Variants in SLC35A3 observed in about 807,000 individuals in gnomAD.
The protein encoded by SLC35A3 is solute carrier family 35 member A3, also known as UDP-N-acetylglucosamine transporter.
In SLC35A3, 26 loss-of-function variants were observed where a neutral mutation model predicts 39.0. The observed-to-expected ratio is 0.67, with a 90% CI of 0.49 to 0.92. The LOEUF (loss-of-function observed/expected upper bound fraction) is 0.92. Among genes scored for constraint, SLC35A3 ranks in the 40% least tolerant of loss-of-function variants. The pLI is 0.00. For missense variants in SLC35A3, 299 were observed against 371.6 expected (o/e 0.80, Z 1.61); for synonymous variants, 135 against 133.1 (o/e 1.01, Z -0.10).
chr1:100,005,253 C>T lies in SLC35A3; in HGVS notation c.343-1781C>T, dbSNP rs182209738. ...TGTCTCTTGCTGTTTTTAGGGTTCT[C>T]TCTTTGACTTTTGACTTTTGGTAGT... is the stretch of plus-strand genomic sequence containing the variant. On this transcript the variant is annotated intron_variant, in intron 3 of 7. Coordinates refer to ENST00000533028, the MANE Select transcript of SLC35A3 (RefSeq NM_012243.3). Among the ~76,000 whole-genome samples the T allele has an allele frequency of 8.5e-5, 13 of 152,228 alleles. No homozygotes were observed. In the South Asian group the frequency reaches 1.0e-3, roughly 12 times the overall value.
intron 6 of SLC35A3, 115 bp downstream of exon 6, chr1:100,015,535 C>G: frequency 8.9e-7 from 1 of 1,127,880 alleles, no homozygotes; most frequent in Non-Finnish European, 1.2e-6. Context: ...TGTTAGTGCT[C>G]TCGTATCTAG....
chr1:99,974,014 CAAAA>C (rs1251803858), intron 1 of SLC35A3, among the ~76,000 whole-genome samples: 1 of 68,160 alleles, frequency 1.5e-5, no homozygotes, highest in Non-Finnish European at 3.4e-5. Flanking sequence ...GACTCCATCT[CAAAA>C]AAAAAAAAAA....
intron 1 of SLC35A3, chr1:99,970,418 C>G (rs866288202): frequency 2.8e-5 from 19 of 667,292 alleles, no homozygotes; most frequent in South Asian, 1.9e-4. Context: ...AAAAAAGGCC[C>G]GAGGAGAGGG....
intron 1 of SLC35A3, among the ~76,000 whole-genome samples, chr1:99,992,611 A>G (rs956503905): frequency 3.9e-5 from 6 of 152,180 alleles, no homozygotes; most frequent in Non-Finnish European, 8.8e-5. Flanking sequence ...TTAAGTCTTC[A>G]TAATTGCTTG....
At chr1:100,009,250 C>T (rs1659456410) in intron 4 of SLC35A3, 1 of 152,026 alleles carries the variant, frequency 6.6e-6, no homozygotes, top group African/African-American at 2.4e-5. Flanking sequence ...AGAGCCAGAA[C>T]CAAATCTCCT....
In SLC35A3 at chr1:100,031,294, A is replaced by T. The variant is rs1237773666; in HGVS notation, c.*8818A>T. On this transcript the variant is annotated 3_prime_UTR_variant, in exon 8 of 8. Coordinates refer to ENST00000533028, the MANE Select transcript of SLC35A3 (RefSeq NM_012243.3). ...AAAAAAATTGAAAAATTGGTATACC[A>T]CCTAAATCCAACCATTATTAACATT... 6.6e-6 allele frequency: 1 copy of T among 152,126 alleles called. No individual in the cohort carries two copies. The highest frequency in any genetic ancestry group is 1.5e-5 in the Non-Finnish European group (1 of 68,022). The allele number at this position is 152,126 out of a possible 1,614,324, so 9.4% of individuals were successfully genotyped here. A position where few individuals can be genotyped will look rare whatever the true frequency, so the allele number is the denominator to read the frequency against.
chr1:100,014,667 C>T (rs1337641427), intron 5 of SLC35A3, among the ~76,000 whole-genome samples: 1 of 152,192 alleles, frequency 6.6e-6, no homozygotes, highest in Non-Finnish European at 1.5e-5. Flanking sequence ...GCAATTTGCA[C>T]ATATTCGAAT....
chr1:99,970,390 T>C (rs1656730538), intron 1 of SLC35A3: 2 of 599,854 alleles, frequency 3.3e-6, no homozygotes, highest in Non-Finnish European at 3.0e-6. Context: ...ACGTGCGGAA[T>C]GTACTGGGTG....
intron 7 of SLC35A3, 154 bp downstream of exon 7, chr1:100,017,969 TGAAA>T (rs1192842690): frequency 2.3e-6 from 1 of 431,536 alleles, no homozygotes; most frequent in South Asian, 7.4e-5. Context: ...ATTAAATTCA[TGAAA>T]GAAAGTCTTC....
At position 100,034,905 on chromosome 1, in the gene SLC35A3, T is replaced by C. The variant is rs369887137; in HGVS notation, c.*12429T>C. On this transcript the variant is annotated 3_prime_UTR_variant, in exon 8 of 8. Coordinates refer to ENST00000533028, the MANE Select transcript of SLC35A3 (RefSeq NM_012243.3). ...TGTTTCTAAGCCTGATTCTTGGCCT[T>C]CTCATTAATTTTCAAAACTTCCAAT... 12 of 152,264 alleles carry C rather than the reference T, an allele frequency of 7.9e-5. No individual in the cohort carries two copies. The highest frequency in any genetic ancestry group is 2.6e-4 in the African/African-American group (11 of 41,556). The allele number at this position is 152,264 out of a possible 1,614,324, so 9.4% of individuals were successfully genotyped here.
At chr1:100,009,175 CAA>C (rs1309807070) in intron 4 of SLC35A3, 1 of 152,102 alleles carries the variant, frequency 6.6e-6, no homozygotes, top group Non-Finnish European at 1.5e-5. Flanking sequence ...TCCCAACTTT[CAA>C]AAGAGTTATT....
At chr1:99,990,961 C>G (rs571797130) in intron 1 of SLC35A3, among the ~76,000 whole-genome samples, 1 of 152,158 alleles carries the variant, frequency 6.6e-6, no homozygotes, top group Non-Finnish European at 1.5e-5. Context: ...TAGAACCCAA[C>G]GATGCCAGCA....
chr1:100,008,797 A>G (rs1409669980), intron 4 of SLC35A3: 1 of 152,222 alleles, frequency 6.6e-6, no homozygotes, highest in Non-Finnish European at 1.5e-5. Flanking sequence ...AGTACTTTGT[A>G]CATATCTTTT....
intron 1 of SLC35A3, among the ~76,000 whole-genome samples, chr1:99,985,269 G>T (rs1037348287): frequency 4.6e-5 from 7 of 152,258 alleles, no homozygotes; most frequent in African/African-American, 1.7e-4. Context: ...GGAGGATCCA[G>T]TTTCATTCTT....
At position 100,035,546 on chromosome 1, in the gene SLC35A3, T is replaced by G. The variant is rs1419651719; in HGVS notation, c.*13070T>G. 6.6e-6 allele frequency: 1 copy of G among 152,258 alleles called. No homozygotes were observed. The highest frequency in any genetic ancestry group is 1.5e-5 in the Non-Finnish European group (1 of 68,050). The allele number at this position is 152,258 out of a possible 1,614,324, so 9.4% of individuals were successfully genotyped here. A position where few individuals can be genotyped will look rare whatever the true frequency, so the allele number is the denominator to read the frequency against. On this transcript the variant is annotated 3_prime_UTR_variant, in exon 8 of 8. Coordinates refer to ENST00000533028, the MANE Select transcript of SLC35A3 (RefSeq NM_012243.3). ...AATTACCTTCCTTTTGTTTTGTAAC[T>G]GTGTCCCCCACTAGAATGTAAGCTC...
At chr1:99,991,543 G>A (rs1418540275) in intron 1 of SLC35A3, among the ~76,000 whole-genome samples, 1 of 152,126 alleles carries the variant, frequency 6.6e-6, no homozygotes, top group African/African-American at 2.4e-5. Flanking sequence ...TGATGGTCTA[G>A]GTCCTTTGTA....
chr1:99,999,809 C>T (rs1482996535), intron 3 of SLC35A3, among the ~76,000 whole-genome samples: 1 of 151,532 alleles, frequency 6.6e-6, no homozygotes, highest in African/African-American at 2.4e-5. Flanking sequence ...TCCCCCCGCT[C>T]CCTTTTTTTT....
In SLC35A3 at chr1:100,030,393, G is replaced by C. The variant is rs1344035667; in HGVS notation, c.*7917G>C. The C allele has an allele frequency of 6.6e-6, 1 of 152,200 alleles. No homozygotes were observed. Among genetic ancestry groups the C allele is most frequent in the Non-Finnish European group, 1.5e-5 (1 of 68,032 alleles). 9.4% of individuals were successfully genotyped at this position (152,200 alleles called of 1,614,324 possible). A position where few individuals can be genotyped will look rare whatever the true frequency, so the allele number is the denominator to read the frequency against. On this transcript the variant is annotated 3_prime_UTR_variant, in exon 8 of 8. Transcript: ENST00000533028. ...TATACTTTAAGCTTGTCCAACGCGCGGCCTGCAGGCTGCATGCAGCCCAGG... is the reference window on the plus strand; with the variant it reads ...TATACTTTAAGCTTGTCCAACGCGCCGCCTGCAGGCTGCATGCAGCCCAGG...
At chr1:99,996,910 T>C (rs1362311646) in intron 2 of SLC35A3, among the ~76,000 whole-genome samples, 3 of 152,060 alleles carry the variant, frequency 2.0e-5, no homozygotes, top group Non-Finnish European at 4.4e-5. Flanking sequence ...CTTCCTATTT[T>C]ATATTGAGAG....
Sources: gnomAD v4.1 joint callset for allele counts (sites outside exome capture counted in the v4.1 genomes callset) on GRCh38, gnomAD v4.1.1 for gene constraint, MANE v1.5 for transcripts, NCBI Gene and HGNC (gene_info 2026-07-23, HGNC 2026-07-21) for gene names.